CDK14: variants seen among roughly 807,000 people sequenced by gnomAD.
CDK14 encodes the protein cyclin dependent kinase 14, also known as cyclin-dependent kinase 14.
In CDK14, 34 loss-of-function variants were observed where a neutral mutation model predicts 60.7. The ratio of observed to expected loss-of-function variants is 0.56; its 90% CI spans 0.43 to 0.75. The LOEUF (loss-of-function observed/expected upper bound fraction) is 0.75, where lower values mean the gene tolerates loss of function less well. Ranked by LOEUF, CDK14 falls within the 30% of genes least tolerant of loss-of-function variation. The pLI, the probability that CDK14 is intolerant of heterozygous loss-of-function variation, is 0.00. For missense variants in CDK14, 482 were observed against 564.1 expected (o/e 0.85, Z 1.47); for synonymous variants, 197 against 203.7 (o/e 0.97, Z 0.28).
chr7:90,870,969 T>C (rs761107813), intron 6 of CDK14, among the ~76,000 whole-genome samples: 56 of 152,198 alleles, frequency 3.7e-4, no homozygotes, highest in Non-Finnish European at 6.9e-4. Context: ...TGTTAGGAGA[T>C]CATTATTTTT....
At chr7:90,897,409 G>T (rs1792371410) in intron 6 of CDK14, among the ~76,000 whole-genome samples, 1 of 151,964 alleles carries the variant, frequency 6.6e-6, no homozygotes, top group Non-Finnish European at 1.5e-5. Context: ...GATATGGTTG[G>T]ATGTACTTTT....
intron 14 of CDK14, among the ~76,000 whole-genome samples, chr7:91,121,989 A>G (rs1390272120): frequency 6.6e-6 from 1 of 152,100 alleles, no homozygotes; most frequent in Non-Finnish European, 1.5e-5. Flanking sequence ...GTGCATGGTC[A>G]CTCTACTTCT....
intron 4 of CDK14, among the ~76,000 whole-genome samples, chr7:90,773,875 TCCTCTCCTCTCCTC>T (rs1804894245): frequency 6.4e-5 from 7 of 109,048 alleles, no homozygotes. Context: ...TCCTCTCCTC[TCCTCTCCTCTCCTC>T]TCCTCTTTTC....
intron 14 of CDK14, among the ~76,000 whole-genome samples, chr7:91,146,439 G>C (rs534974564): frequency 0.048 from 7,311 of 152,204 alleles, 435 homozygotes; most frequent in East Asian, 0.31. Flanking sequence ...GACCTCAGGT[G>C]ATCTGCTTGC....
intron 12 of CDK14, among the ~76,000 whole-genome samples, chr7:91,094,357 A>T (rs1798918479): frequency 6.6e-6 from 1 of 152,118 alleles, no homozygotes; most frequent in Admixed American, 6.6e-5. Flanking sequence ...TGCAGTCCTA[A>T]GGGACTCTTT....
chr7:91,130,623 G>A (rs117646435), intron 14 of CDK14, among the ~76,000 whole-genome samples: 357 of 152,054 alleles, frequency 2.3e-3, no homozygotes, highest in African/African-American at 4.7e-3. Context: ...TGGATCTCTC[G>A]ATTTAATATC....
chr7:90,749,925 A>G (rs1456423391), intron 4 of CDK14, among the ~76,000 whole-genome samples: 1 of 152,198 alleles, frequency 6.6e-6, no homozygotes, highest in Non-Finnish European at 1.5e-5. Flanking sequence ...CTAAGGCAAC[A>G]GAGAGCATCT....
chr7:90,609,546 C>T lies in CDK14; in HGVS notation c.123+5297C>T, dbSNP rs28951073. 1.1e-4 allele frequency among the ~76,000 whole-genome samples: 17 copies of T among 152,218 alleles called. No homozygotes were observed. The East Asian group carries it at 3.3e-3, about 29-fold the overall frequency. Reference sequence around the variant, plus strand: ...TAAAAGTGTGTAGCACCTCCCCCTTCGCTGTCTTGCTCTTAGCTTCTGCCA... The same window carrying T: ...TAAAAGTGTGTAGCACCTCCCCCTTTGCTGTCTTGCTCTTAGCTTCTGCCA... On this transcript the variant is annotated intron_variant, in intron 2 of 14. Transcript: ENST00000380050.
chr7:90,792,178 G>T (rs924225051), intron 5 of CDK14, among the ~76,000 whole-genome samples: 8 of 150,206 alleles, frequency 5.3e-5, no homozygotes, highest in African/African-American at 2.0e-4. Flanking sequence ...GGGATTACAG[G>T]CGTGAGCCAC....
chr7:90,821,386 A>G (rs192356154), intron 5 of CDK14, among the ~76,000 whole-genome samples: 1 of 152,210 alleles, frequency 6.6e-6, no homozygotes, highest in Non-Finnish European at 1.5e-5. Flanking sequence ...CCAGGCCATT[A>G]TGCCCGACCA....
chr7:90,667,261 AC>A (rs577675244), intron 2 of CDK14, among the ~76,000 whole-genome samples: 6 of 152,302 alleles, frequency 3.9e-5, no homozygotes, highest in South Asian at 2.1e-4. Flanking sequence ...CTTGGCTAAT[AC>A]CCAGCCCGTA....
intron 14 of CDK14, among the ~76,000 whole-genome samples, chr7:91,202,597 C>A (rs1454176001): frequency 6.6e-6 from 1 of 152,188 alleles, no homozygotes; most frequent in African/African-American, 2.4e-5. Context: ...TTTAGATTTT[C>A]TTAAAAATTT....
rs869290098 is a variant in CDK14 at position 90,729,371 on chromosome 7, T to TC, written c.369+2563dup. ...TTTTTTTTTTTTTTTTTTTTTTTTT[T>TC]CCCCACTCATCCTAGGCAATGTGAC... is the stretch of plus-strand genomic sequence containing the variant. On this transcript the variant is annotated intron_variant, in intron 3 of 14. Transcript: ENST00000380050. 3.2e-4 allele frequency among the ~76,000 whole-genome samples: 43 copies of TC among 132,936 alleles called. 2 individuals carry two copies. Among genetic ancestry groups the TC allele is most frequent in the African/African-American group, 6.0e-4 (18 of 30,128 alleles). The allele number at this position is 132,936 out of a possible 152,430, so 87.2% of individuals were successfully genotyped here. A position where few individuals can be genotyped will look rare whatever the true frequency, so the allele number is the denominator to read the frequency against.
intron 3 of CDK14, among the ~76,000 whole-genome samples, chr7:90,743,678 A>G (rs907758742): frequency 6.6e-6 from 1 of 151,040 alleles, no homozygotes. Flanking sequence ...TTTGGCCTTT[A>G]CTAGTTTACT....
At chr7:91,040,414 C>G (rs912225422) in intron 10 of CDK14, among the ~76,000 whole-genome samples, 1 of 152,126 alleles carries the variant, frequency 6.6e-6, no homozygotes, top group Non-Finnish European at 1.5e-5. Flanking sequence ...CACTAAGGAG[C>G]TAGAAAAAAA....
At chr7:91,184,292 A>G (rs999093218) in intron 14 of CDK14, among the ~76,000 whole-genome samples, 1 of 151,576 alleles carries the variant, frequency 6.6e-6, no homozygotes, top group Non-Finnish European at 1.5e-5. Context: ...CAAAAAAAAA[A>G]AAGAACTCCT....
chr7:90,846,476 A>T (rs1790472762), intron 5 of CDK14, among the ~76,000 whole-genome samples: 1 of 152,216 alleles, frequency 6.6e-6, no homozygotes, highest in Non-Finnish European at 1.5e-5. Flanking sequence ...GCTTCAGGAA[A>T]TGTTTGAATG....
chr7:90,743,776 T>C (rs6465285), intron 3 of CDK14, among the ~76,000 whole-genome samples: 136,664 of 152,068 alleles, frequency 0.9, 61,469 homozygotes, highest in East Asian at 1. Flanking sequence ...TAAATTCTGT[T>C]TTGTCTGCTA....
intron 10 of CDK14, among the ~76,000 whole-genome samples, chr7:91,018,039 A>G: frequency 6.6e-6 from 1 of 152,200 alleles, no homozygotes; most frequent in East Asian, 1.9e-4. Context: ...GGTATTTCTG[A>G]GTGAATTTAT....
Sources: allele counts gnomAD v4.1 joint callset (sites outside exome capture counted in the v4.1 genomes callset), GRCh38; gene constraint gnomAD v4.1.1; transcripts MANE v1.5; gene names NCBI Gene and HGNC (gene_info 2026-07-23, HGNC 2026-07-21).